Variants in TMEM38B observed in about 807,000 individuals in gnomAD.
TMEM38B encodes the protein transmembrane protein 38B, also known as trimeric intracellular cation channel type B.
Under a neutral mutation model 28.7 loss-of-function variants are expected in TMEM38B, and 24 were observed. The ratio of observed to expected loss-of-function variants is 0.84; its 90% CI spans 0.61 to 1.18. The LOEUF (loss-of-function observed/expected upper bound fraction) is 1.18, where lower values mean the gene tolerates loss of function less well. TMEM38B is among the 50% of genes most tolerant of loss of function. The probability of loss-of-function intolerance (pLI) is 0.00; values close to 1 mark genes in which losing one functional copy is unlikely to be tolerated. For synonymous variants in TMEM38B, 131 were observed against 127.7 expected (o/e 1.03, Z -0.17); for missense variants, 380 against 350.9 (o/e 1.08, Z -0.66).
chr9:105,711,100 C>A (rs1157676536), intron 2 of TMEM38B, among the ~76,000 whole-genome samples: 1 of 152,110 alleles, frequency 6.6e-6, no homozygotes, highest in Non-Finnish European at 1.5e-5. Flanking sequence ...ATATATCCAT[C>A]ATTTAGATTA....
At chr9:105,759,545 A>C in intron 5 of TMEM38B, 8 of 1,561,908 alleles carry the variant, frequency 5.1e-6, no homozygotes, top group Non-Finnish European at 7.0e-6. Flanking sequence ...GGTATGCATG[A>C]TCTGTCCTCT....
intron 5 of TMEM38B, among the ~76,000 whole-genome samples, chr9:105,756,318 T>C (rs1243474629): frequency 6.6e-6 from 1 of 152,208 alleles, no homozygotes; most frequent in Non-Finnish European, 1.5e-5. Flanking sequence ...ATAGTGTTGA[T>C]AGAAATGGAG....
intron 5 of TMEM38B, among the ~76,000 whole-genome samples, chr9:105,751,085 T>G (rs1191909130): frequency 6.6e-6 from 1 of 152,212 alleles, no homozygotes; most frequent in East Asian, 1.9e-4. Flanking sequence ...TCTGGTAGGA[T>G]CCAAGATGGC....
intron 2 of TMEM38B, among the ~76,000 whole-genome samples, chr9:105,713,005 T>C (rs1835960989): frequency 6.6e-6 from 1 of 152,204 alleles, no homozygotes; most frequent in Admixed American, 6.5e-5. Context: ...CACCCTAGGC[T>C]GTGAGGGGAC....
rs151101431 is a variant in TMEM38B, at chr9:105,760,994, C to G, written c.660+12804C>G. On this transcript the variant is annotated intron_variant, in intron 5 of 5. Coordinates refer to ENST00000374692, the MANE Select transcript of TMEM38B (RefSeq NM_018112.3). Reference sequence around the variant, plus strand: ...ACTTTTTGTTTTTAACACAGCTATCCAGTAAGGCTATCATGATATGTGCTA... The same window carrying G: ...ACTTTTTGTTTTTAACACAGCTATCGAGTAAGGCTATCATGATATGTGCTA... 9.5e-3 allele frequency among the ~76,000 whole-genome samples: 1,446 copies of G among 152,254 alleles called. 9 individuals are homozygous for G. Among genetic ancestry groups the G allele is most frequent in the Middle Eastern group, 0.017 (5 of 292 alleles).
chr9:105,754,793 T>C (rs1007276468), intron 5 of TMEM38B, among the ~76,000 whole-genome samples: 1 of 152,054 alleles, frequency 6.6e-6, no homozygotes, highest in African/African-American at 2.4e-5. Flanking sequence ...CTGAAGGAGA[T>C]GGAGACACAA....
intron 5 of TMEM38B, among the ~76,000 whole-genome samples, chr9:105,765,801 T>C (rs1228370672): frequency 2.0e-5 from 3 of 152,150 alleles, no homozygotes; most frequent in African/African-American, 7.2e-5. Flanking sequence ...TTTTCTTTTT[T>C]TTCTTTTTTA....
intron 4 of TMEM38B, among the ~76,000 whole-genome samples, chr9:105,735,862 A>G (rs1003942183): frequency 6.6e-6 from 1 of 151,996 alleles, no homozygotes; most frequent in Non-Finnish European, 1.5e-5. Context: ...AGCAATTTTC[A>G]TTTATTAAAA....
At chr9:105,732,358 G>T (rs1009595380) in intron 4 of TMEM38B, among the ~76,000 whole-genome samples, 5 of 152,150 alleles carry the variant, frequency 3.3e-5, no homozygotes, top group Non-Finnish European at 7.3e-5. Flanking sequence ...ATTGCTTTTG[G>T]TGTTTTAGTC....
Position 105,760,006 on chromosome 9 carries a change from C to G in TMEM38B, c.660+11816C>G, listed in dbSNP as rs144894008. 2.1e-4 allele frequency: 314 copies of G among 1,469,656 alleles called. 2 individuals are homozygous for G. The African/African-American group carries it at 3.3e-3, about 15-fold the overall frequency. The allele number at this position is 1,469,656 out of a possible 1,614,324, so 91.0% of individuals were successfully genotyped here. On this transcript the variant is annotated intron_variant, in intron 5 of 5. Coordinates refer to ENST00000374692, the MANE Select transcript of TMEM38B (RefSeq NM_018112.3). Reference sequence around the variant, plus strand: ...GTCTAGTGCTGCAATCAATAAAAGACTCTGCAAAAGTTCAATAGAATTTTC... The same window carrying G: ...GTCTAGTGCTGCAATCAATAAAAGAGTCTGCAAAAGTTCAATAGAATTTTC...
intron 4 of TMEM38B, among the ~76,000 whole-genome samples, chr9:105,732,390 T>A (rs553872358): frequency 5.3e-5 from 8 of 152,110 alleles, no homozygotes; most frequent in East Asian, 3.9e-4. Flanking sequence ...GCCCATGCCT[T>A]TGTCCTGAAT....
intron 4 of TMEM38B, among the ~76,000 whole-genome samples, chr9:105,741,325 G>T (rs1331944066): frequency 6.6e-6 from 1 of 152,206 alleles, no homozygotes; most frequent in Non-Finnish European, 1.5e-5. Flanking sequence ...AGATACCTGG[G>T]ATTAGATAAT....
chr9:105,773,388 A>T (rs907908675), intron 5 of TMEM38B, among the ~76,000 whole-genome samples: 2 of 152,118 alleles, frequency 1.3e-5, no homozygotes, highest in Non-Finnish European at 2.9e-5. Context: ...CAGAATCTGG[A>T]TATTGCAAAC....
In TMEM38B at chr9:105,776,289, C is replaced by T. The variant is rs944279433; in HGVS notation, c.*2209C>T. The stretch of plus-strand genomic sequence containing the variant: ...AAAACATGGCCAAATGAATATCAAA[C>T]TGGTTTATCAGATTAGTCACTCTTC... On this transcript the variant is annotated 3_prime_UTR_variant, in exon 6 of 6. Coordinates refer to ENST00000374692, the MANE Select transcript of TMEM38B (RefSeq NM_018112.3). 1 of 152,010 alleles carries T rather than the reference C, an allele frequency of 6.6e-6. No homozygotes were observed. The highest frequency in any genetic ancestry group is 2.4e-5 in the African/African-American group (1 of 41,410). 9.4% of individuals were successfully genotyped at this position (152,010 alleles called of 1,614,324 possible).
chr9:105,745,334 C>A (rs1837347759), intron 4 of TMEM38B, among the ~76,000 whole-genome samples: 3 of 152,166 alleles, frequency 2.0e-5, no homozygotes, highest in South Asian at 4.1e-4. Flanking sequence ...TCTCTGATGG[C>A]CAGTGATGAT....
chr9:105,730,386 A>G (rs532087038), intron 4 of TMEM38B, among the ~76,000 whole-genome samples: 1 of 152,280 alleles, frequency 6.6e-6, no homozygotes, highest in African/African-American at 2.4e-5. Context: ...TGATTTGCGT[A>G]TGTTGAACCA....
intron 2 of TMEM38B, chr9:105,710,774 CG>C: frequency 1.9e-6 from 1 of 530,584 alleles, no homozygotes. Flanking sequence ...CGGCAGGTAG[CG>C]GGACATGAAG....
intron 5 of TMEM38B, among the ~76,000 whole-genome samples, chr9:105,762,076 A>C (rs1838074370): frequency 6.6e-6 from 1 of 152,060 alleles, no homozygotes; most frequent in African/African-American, 2.4e-5. Flanking sequence ...AGAAATATAT[A>C]ATGCCTGGGT....
chr9:105,772,174 A>G (rs1208552084), intron 5 of TMEM38B, among the ~76,000 whole-genome samples: 2 of 152,158 alleles, frequency 1.3e-5, no homozygotes, highest in Admixed American at 6.5e-5. Context: ...GTATCTGCTC[A>G]GCTCTTTGGC....
Sources: gnomAD v4.1 joint callset for allele counts (sites outside exome capture counted in the v4.1 genomes callset) on GRCh38, gnomAD v4.1.1 for gene constraint, MANE v1.5 for transcripts, NCBI Gene and HGNC (gene_info 2026-07-23, HGNC 2026-07-21) for gene names.